GRIK4: variants seen among roughly 807,000 people sequenced by gnomAD.
GRIK4 encodes glutamate ionotropic receptor kainate type subunit 4, also known as glutamate receptor ionotropic, kainate 4.
In GRIK4, 40 loss-of-function variants were observed where a neutral mutation model predicts 104.9. The ratio of observed to expected loss-of-function variants is 0.38; its 90% confidence interval spans 0.30 to 0.50. The LOEUF (loss-of-function observed/expected upper bound fraction) is 0.50, where lower values mean the gene tolerates loss of function less well. GRIK4 is among the 20% of genes least tolerant of loss of function. The pLI is 0.93. For missense variants in GRIK4, 1,047 were observed against 1,308.1 expected (o/e 0.80, Z 3.08); for synonymous variants, 485 against 524.9 (o/e 0.92, Z 1.04).
intron 1 of GRIK4, among the ~76,000 whole-genome samples, chr11:120,598,229 C>G (rs1948832294): frequency 6.6e-6 from 1 of 152,180 alleles, no homozygotes; most frequent in Non-Finnish European, 1.5e-5. Flanking sequence ...CCGACTTTTT[C>G]CATCCATTCT....
At chr11:120,661,594 G>A (rs1949817663) in intron 3 of GRIK4, among the ~76,000 whole-genome samples, 1 of 152,248 alleles carries the variant, frequency 6.6e-6, no homozygotes, top group Admixed American at 6.5e-5. Context: ...ATTCAGGTCG[G>A]TGTGCTGGTG....
chr11:120,809,181 CT>C (rs1286836867), intron 4 of GRIK4, among the ~76,000 whole-genome samples: 2 of 152,236 alleles, frequency 1.3e-5, no homozygotes, highest in African/African-American at 4.8e-5. Flanking sequence ...CCCACCACCC[CT>C]GTCCAGCCTG....
intron 2 of GRIK4, among the ~76,000 whole-genome samples, 174 bp from the exon 3 acceptor site, chr11:120,660,094 CA>C (rs1269642228): frequency 6.6e-6 from 1 of 152,220 alleles, no homozygotes. Flanking sequence ...ACAGTTACAG[CA>C]ACCTGCCCCA....
chr11:120,634,192 A>T (rs1190405853), intron 1 of GRIK4, among the ~76,000 whole-genome samples: 2 of 152,150 alleles, frequency 1.3e-5, no homozygotes, highest in African/African-American at 4.8e-5. Context: ...CCGCCGAATA[A>T]ATGGCAAGAG....
At chr11:120,954,472 C>A (rs1488774963) in intron 15 of GRIK4, among the ~76,000 whole-genome samples, 2 of 151,930 alleles carry the variant, frequency 1.3e-5, no homozygotes, top group Non-Finnish European at 2.9e-5. Context: ...AGGAGGCTGT[C>A]TCCGTGAGCC....
At chr11:120,817,179 T>G (rs371087617) in intron 5 of GRIK4, among the ~76,000 whole-genome samples, 2 of 151,994 alleles carry the variant, frequency 1.3e-5, no homozygotes, top group Admixed American at 6.6e-5. Flanking sequence ...TTGCTGTGCA[T>G]CACATCCTCC....
At chr11:120,858,754 C>T (rs558490733) in intron 8 of GRIK4, among the ~76,000 whole-genome samples, 10 of 152,246 alleles carry the variant, frequency 6.6e-5, no homozygotes, top group South Asian at 2.1e-4. Flanking sequence ...TGTAAACTAA[C>T]GGTGGTCAGT....
Position 120,956,355 on chromosome 11 carries a change from C to A in GRIK4, c.1701-425C>A, listed in dbSNP as rs1212299628. On this transcript the variant is annotated intron_variant, in intron 15 of 20. Transcript: ENST00000527524. The surrounding 1 kb of genome is among the most constrained non-coding windows in gnomAD (Gnocchi z 4.6). The stretch of plus-strand genomic sequence containing the variant: ...TAGCTAGGATTACAGGCACACACCA[C>A]CATACCTGGCTAATTTTTTTGTATT... Among the ~76,000 whole-genome samples, 2 of 152,074 alleles carry A rather than the reference C, an allele frequency of 1.3e-5. No individual in the cohort carries two copies. Among genetic ancestry groups the A allele is most frequent in the Non-Finnish European group, 2.9e-5 (2 of 68,020 alleles).
intron 1 of GRIK4, among the ~76,000 whole-genome samples, chr11:120,557,700 G>A (rs932497729): frequency 6.6e-5 from 10 of 152,156 alleles, no homozygotes; most frequent in Admixed American, 5.2e-4. Context: ...GCTTCTGTCA[G>A]CTCTTTTGCT....
chr11:120,710,367 G>A (rs1309836864), intron 3 of GRIK4, among the ~76,000 whole-genome samples: 3 of 152,176 alleles, frequency 2.0e-5, no homozygotes, highest in Non-Finnish European at 4.4e-5. Context: ...AGACCACATG[G>A]CTCCTGCATG....
chr11:120,908,052 A>T (rs1340141258), intron 13 of GRIK4, among the ~76,000 whole-genome samples: 1 of 152,162 alleles, frequency 6.6e-6, no homozygotes, highest in African/African-American at 2.4e-5. Context: ...AGGCTGTAAC[A>T]GCAAGCAGAG....
chr11:120,900,652 G>A (rs946517449), intron 12 of GRIK4, among the ~76,000 whole-genome samples: 1 of 152,148 alleles, frequency 6.6e-6, no homozygotes, highest in East Asian at 1.9e-4. Flanking sequence ...AGGGGTCAGG[G>A]TGGCCTCTCC....
intron 12 of GRIK4, among the ~76,000 whole-genome samples, chr11:120,900,333 T>A (rs944667776): frequency 4.6e-5 from 7 of 152,238 alleles, no homozygotes; most frequent in African/African-American, 1.4e-4. Flanking sequence ...AATGCCAGGC[T>A]ACTAAGTTTC....
At chr11:120,727,713 G>C (rs1049036568) in intron 3 of GRIK4, among the ~76,000 whole-genome samples, 1 of 151,864 alleles carries the variant, frequency 6.6e-6, no homozygotes, top group Non-Finnish European at 1.5e-5. Flanking sequence ...ATCAGAAGTA[G>C]AAAAACTTAG....
chr11:120,640,275 G>C (rs997916598), intron 1 of GRIK4, among the ~76,000 whole-genome samples: 2 of 152,162 alleles, frequency 1.3e-5, no homozygotes, highest in Non-Finnish European at 2.9e-5. Flanking sequence ...CTTACTCTAT[G>C]TTCAGGTGTG....
chr11:120,702,689 C>T (rs996956925), intron 3 of GRIK4, among the ~76,000 whole-genome samples: 19 of 152,166 alleles, frequency 1.2e-4, no homozygotes, highest in Admixed American at 3.3e-4. Context: ...ATCAGTGTCA[C>T]AAACCTCTTG....
chr11:120,729,302 G>A (rs998583927), intron 3 of GRIK4, among the ~76,000 whole-genome samples: 2 of 152,144 alleles, frequency 1.3e-5, no homozygotes, highest in Admixed American at 6.5e-5. Context: ...GGATTGTATG[G>A]TAACTCTATT....
Position 120,696,990 on chromosome 11 carries a change from G to C in GRIK4, c.82+36590G>C, listed in dbSNP as rs115363775. ...CAGCCAGCCCTTATTCAGTGTCCTC[G>C]TTGCCACACCCCATGACGTTTGTTA... On this transcript the variant is annotated intron_variant, in intron 3 of 20. Transcript: ENST00000527524. Among the ~76,000 whole-genome samples the C allele has an allele frequency of 5.3e-5, 8 of 152,288 alleles. No homozygotes were observed. In the East Asian group the frequency reaches 9.7e-4, roughly 18 times the overall value.
chr11:120,803,095 A>G (rs1205028810), intron 4 of GRIK4, among the ~76,000 whole-genome samples: 2 of 152,200 alleles, frequency 1.3e-5, no homozygotes, highest in Non-Finnish European at 2.9e-5. Context: ...TCATTCATTC[A>G]TCCACTCATT....
Sources: allele counts gnomAD v4.1 joint callset (sites outside exome capture counted in the v4.1 genomes callset), GRCh38; gene constraint gnomAD v4.1.1; non-coding constraint Gnocchi (gnomAD v3.1); transcripts MANE v1.5; gene names NCBI Gene and HGNC (gene_info 2026-07-23, HGNC 2026-07-21).